BLM: variants seen among roughly 807,000 people sequenced by gnomAD.
The protein encoded by BLM is recQ-like DNA helicase BLM.
Under a neutral mutation model 135.3 loss-of-function variants are expected in BLM, and 95 were observed. The observed-to-expected ratio is 0.70, with a 90% CI of 0.59 to 0.83. The LOEUF (loss-of-function observed/expected upper bound fraction) is 0.83, where lower values mean the gene tolerates loss of function less well. Ranked by LOEUF, BLM falls within the 40% of genes least tolerant of loss-of-function variation. The pLI is 0.00. For missense variants in BLM, 1,518 were observed against 1,663.9 expected, an observed-to-expected ratio of 0.91 and a Z score of 1.53; for synonymous variants, 520 against 589.2, an observed-to-expected ratio of 0.88 and a Z score of 1.70.
chr15:90,747,572 C>G, intron 2 of BLM, 82 bp downstream of exon 2: 2 of 877,964 alleles, frequency 2.3e-6, no homozygotes, highest in Non-Finnish European at 3.7e-6. Context: ...TTTAAACTCC[C>G]CCATTGTACA....
intron 14 of BLM, among the ~76,000 whole-genome samples, chr15:90,785,741 C>G (rs1007328911): frequency 1.3e-5 from 2 of 151,868 alleles, no homozygotes; most frequent in African/African-American, 4.8e-5. Context: ...AGTGGAGACT[C>G]AAACTGGTCT....
intron 14 of BLM, among the ~76,000 whole-genome samples, chr15:90,786,693 G>A (rs889429688): frequency 2.6e-5 from 4 of 152,014 alleles, no homozygotes; most frequent in Non-Finnish European, 5.9e-5. Context: ...TTGGCTCACT[G>A]GAACTTCCGC....
rs917941532 is a variant in BLM, at chr15:90,735,384, T to C, written c.-4-12005T>C. ...TGATTCTAAAGTTCATATAGAAAAA[T>C]AAACATATAAGAATAGGAAAACAGA... On this transcript the variant is annotated intron_variant, in intron 1 of 21. Transcript: ENST00000355112. 2.0e-5 allele frequency among the ~76,000 whole-genome samples: 3 copies of C among 150,808 alleles called. No individual in the cohort carries two copies. In the East Asian group the frequency reaches 5.8e-4, roughly 29 times the overall value.
intron 1 of BLM, among the ~76,000 whole-genome samples, chr15:90,720,113 A>G (rs1211795079): frequency 1.3e-5 from 2 of 151,882 alleles, no homozygotes; most frequent in Non-Finnish European, 2.9e-5. Flanking sequence ...TTAAGAAAAG[A>G]CTTGATTGTC....
At chr15:90,764,399 T>C (rs1896067019) in intron 8 of BLM, among the ~76,000 whole-genome samples, 2 of 151,998 alleles carry the variant, frequency 1.3e-5, no homozygotes, top group African/African-American at 4.8e-5. Context: ...TCACCCATGC[T>C]GGAATACAGT....
In BLM at chr15:90,790,700, C is replaced by T. The variant is rs762354041; in HGVS notation, c.2875C>T (p.Arg959Ter). Residue 959 changes from arginine (R) to a stop codon, truncating the protein, a stop_gained, in exon 15 of 22, where the codon CGA becomes TGA. Coordinates refer to ENST00000355112, the MANE Select transcript of BLM (RefSeq NM_000057.4). LOFTEE classifies it high-confidence loss of function. ...AATGGGGATTGACAAACCGGACGTGCGATTTGTGATTCATGCATCTCTCCC... is the reference window on the plus strand; with the variant it reads ...AATGGGGATTGACAAACCGGACGTGTGATTTGTGATTCATGCATCTCTCCC... ...FGMGIDKPDVRFVIHASLPKS... is the reference protein window; with the variant it reads ...FGMGIDKPDV 6 of 1,614,118 alleles carry T rather than the reference C, an allele frequency of 3.7e-6. No homozygotes were observed. The highest frequency in any genetic ancestry group is 2.2e-5 in the East Asian group (1 of 44,878).
chr15:90,756,307 T>G (rs567712453), intron 5 of BLM, among the ~76,000 whole-genome samples: 36 of 152,206 alleles, frequency 2.4e-4, no homozygotes, highest in East Asian at 1.2e-3. Context: ...GTTTCACCAT[T>G]TTAGCCAGGA....
At chr15:90,726,665 C>A (rs943642960) in intron 1 of BLM, among the ~76,000 whole-genome samples, 1 of 152,176 alleles carries the variant, frequency 6.6e-6, no homozygotes, top group Non-Finnish European at 1.5e-5. Context: ...TTTTTAGGTT[C>A]CACATATGAG....
chr15:90,792,394 C>CCGTACCTGGTGTTAAAATTCTTAAG (rs1567057406), intron 15 of BLM, among the ~76,000 whole-genome samples: 4 of 152,190 alleles, frequency 2.6e-5, no homozygotes, highest in African/African-American at 9.7e-5. Flanking sequence ...GCGTGAGCCA[C>CCGTACCTGGTGTTAAAATTCTTAAG]TATGCCCAGC....
intron 17 of BLM, among the ~76,000 whole-genome samples, chr15:90,801,270 A>C (rs1897160354): frequency 6.6e-6 from 1 of 152,220 alleles, no homozygotes; most frequent in Non-Finnish European, 1.5e-5. Context: ...TGTTCCAATT[A>C]GGGAAGGAAA....
chr15:90,755,111 A>G (rs1895784479), intron 5 of BLM, 173 bp downstream of exon 5: 2 of 777,390 alleles, frequency 2.6e-6, no homozygotes, highest in Non-Finnish European at 4.0e-6. Flanking sequence ...ATTTGCCTGA[A>G]CAACTCATGA....
chr15:90,797,398 G>A (rs1466630937), intron 16 of BLM, among the ~76,000 whole-genome samples: 8 of 66,642 alleles, frequency 1.2e-4, no homozygotes, highest in East Asian at 7.7e-4. Context: ...CCTGGGCGAC[G>A]AGCGAAACTC....
intron 16 of BLM, among the ~76,000 whole-genome samples, chr15:90,796,114 C>T (rs1232096039): frequency 6.6e-6 from 1 of 152,152 alleles, no homozygotes; most frequent in Admixed American, 6.6e-5. Context: ...GGGCTAGAGT[C>T]CCAGAGTAAC....
At chr15:90,787,982 TC>T (rs1434528255) in intron 14 of BLM, among the ~76,000 whole-genome samples, 2 of 150,658 alleles carry the variant, frequency 1.3e-5, no homozygotes, top group South Asian at 2.1e-4. Context: ...ATTCAGCTTA[TC>T]CAAGTAAGAA....
intron 14 of BLM, among the ~76,000 whole-genome samples, chr15:90,788,471 GTTTTT>G (rs35158343): frequency 2.7e-4 from 26 of 95,010 alleles, no homozygotes; most frequent in Non-Finnish European, 4.2e-4. Context: ...CCAGTGTTTT[GTTTTT>G]TTTTTTTTTT....
chr15:90,814,019 G>GT (rs1897490506), intron 21 of BLM, among the ~76,000 whole-genome samples: 1 of 152,214 alleles, frequency 6.6e-6, no homozygotes, highest in Non-Finnish European at 1.5e-5. Flanking sequence ...TAAACAGCAG[G>GT]TTTTCTCTCT....
intron 1 of BLM, among the ~76,000 whole-genome samples, chr15:90,719,692 T>C (rs1179814272): frequency 6.6e-6 from 1 of 152,170 alleles, no homozygotes; most frequent in Admixed American, 6.5e-5. Flanking sequence ...TGTAATTCTA[T>C]TTTCTGTATC....
intron 9 of BLM, 103 bp from the exon 10 acceptor site, chr15:90,766,807 G>A: frequency 1.4e-6 from 1 of 737,448 alleles, no homozygotes; most frequent in South Asian, 1.7e-5. Flanking sequence ...TCCTTTGATA[G>A]GTTTGATATG....
chr15:90,729,267 G>A (rs1288158822), intron 1 of BLM, among the ~76,000 whole-genome samples: 2 of 152,052 alleles, frequency 1.3e-5, no homozygotes, highest in Non-Finnish European at 1.5e-5. Flanking sequence ...CCGAGATCGC[G>A]CCACTGTACT....
Sources: gnomAD v4.1 joint callset for allele counts (sites outside exome capture counted in the v4.1 genomes callset) on GRCh38, gnomAD v4.1.1 for gene constraint, MANE v1.5 for transcripts, NCBI Gene and HGNC (gene_info 2026-07-23, HGNC 2026-07-21) for gene names.